CNTNAP5: variants seen among roughly 807,000 people sequenced by gnomAD.
The protein encoded by CNTNAP5 is contactin associated protein family member 5.
CNTNAP5 carries 72 observed loss-of-function variants against 150.2 expected under a neutral mutation model. The ratio of observed to expected loss-of-function variants is 0.48; its 90% confidence interval spans 0.40 to 0.58. The LOEUF (loss-of-function observed/expected upper bound fraction) is 0.58, where lower values mean the gene tolerates loss of function less well. CNTNAP5 is among the 20% of genes least tolerant of loss of function. CNTNAP5 has a pLI of 0.00. For missense variants in CNTNAP5, 1,636 were observed against 1,626.2 expected, an observed-to-expected ratio of 1.01 and a Z score of -0.10; for synonymous variants, 672 against 619.8, an observed-to-expected ratio of 1.08 and a Z score of -1.25.
At chr2:124,219,223 T>G (rs988656588) in intron 1 of CNTNAP5, among the ~76,000 whole-genome samples, 1 of 152,148 alleles carries the variant, frequency 6.6e-6, no homozygotes, top group African/African-American at 2.4e-5. Flanking sequence ...AAAAATGGCT[T>G]GCTAATTGTA....
At chr2:124,504,144 A>G in intron 7 of CNTNAP5, 148 bp from the exon 8 acceptor site, 3 of 774,346 alleles carry the variant, frequency 3.9e-6, no homozygotes, top group South Asian at 3.7e-5. Flanking sequence ...GTCTGAGCAA[A>G]GCCGACATTT....
intron 19 of CNTNAP5, among the ~76,000 whole-genome samples, 192 bp downstream of exon 19, chr2:124,798,512 T>G (rs1460696230): frequency 6.6e-6 from 1 of 152,222 alleles, no homozygotes; most frequent in Non-Finnish European, 1.5e-5. Flanking sequence ...CCAGTGTCAA[T>G]TCACTGCTGA....
intron 21 of CNTNAP5, among the ~76,000 whole-genome samples, chr2:124,884,487 T>C (rs2104741478): frequency 6.6e-6 from 1 of 152,238 alleles, no homozygotes; most frequent in East Asian, 1.9e-4. Context: ...CTCATGCTTC[T>C]GATGATCTTG....
chr2:124,128,881 G>T (rs964004604), intron 1 of CNTNAP5, among the ~76,000 whole-genome samples: 3 of 152,016 alleles, frequency 2.0e-5, no homozygotes, highest in Non-Finnish European at 4.4e-5. Context: ...TGAACACAGG[G>T]TGGGGAACAT....
intron 13 of CNTNAP5, among the ~76,000 whole-genome samples, chr2:124,713,539 C>A (rs959259788): frequency 6.6e-6 from 1 of 151,466 alleles, no homozygotes; most frequent in Admixed American, 6.6e-5. Context: ...CCAGGCTTTT[C>A]TAATTTTTGT....
At chr2:124,689,551 GTA>G (rs1458397410) in intron 13 of CNTNAP5, among the ~76,000 whole-genome samples, 26 of 152,076 alleles carry the variant, frequency 1.7e-4, no homozygotes, top group Non-Finnish European at 3.8e-4. Context: ...CCACATATAT[GTA>G]TATGTGTGCA....
At chr2:124,627,339 G>A (rs541069238) in intron 12 of CNTNAP5, among the ~76,000 whole-genome samples, 1 of 152,246 alleles carries the variant, frequency 6.6e-6, no homozygotes, top group African/African-American at 2.4e-5. Flanking sequence ...GCGGACATCA[G>A]GTCAGTGTCC....
intron 13 of CNTNAP5, among the ~76,000 whole-genome samples, chr2:124,685,183 G>T (rs558763171): frequency 6.6e-6 from 1 of 152,026 alleles, no homozygotes. Flanking sequence ...AAATCCCCTC[G>T]GATACTTCTT....
rs188866597 is a variant in CNTNAP5 at position 124,582,015 on chromosome 2, G to A, written c.1756+18692G>A. On this transcript the variant is annotated intron_variant, in intron 11 of 23. Coordinates refer to ENST00000682447, the MANE Select transcript of CNTNAP5 (RefSeq NM_001367498.1). The stretch of plus-strand genomic sequence containing the variant: ...TTTAAATTACTTATTAAAACAGATG[G>A]TGAAATCTCTCTCTACTTTAAATCT... Among the ~76,000 whole-genome samples the A allele has an allele frequency of 5.9e-5, 9 of 152,304 alleles. No homozygotes were observed. In the East Asian group the frequency reaches 1.7e-3, roughly 29 times the overall value.
At chr2:124,329,296 A>G (rs902808594) in intron 3 of CNTNAP5, among the ~76,000 whole-genome samples, 2 of 152,176 alleles carry the variant, frequency 1.3e-5, no homozygotes, top group Non-Finnish European at 2.9e-5. Flanking sequence ...TTCTTTTCTC[A>G]GGTGGTTAAT....
chr2:124,651,180 G>A (rs1018567245), intron 13 of CNTNAP5, among the ~76,000 whole-genome samples: 1 of 152,182 alleles, frequency 6.6e-6, no homozygotes, highest in African/African-American at 2.4e-5. Flanking sequence ...TTAAAAGCGT[G>A]CAGGCTGATT....
At chr2:124,088,539 G>A (rs1306193621) in intron 1 of CNTNAP5, among the ~76,000 whole-genome samples, 1 of 150,284 alleles carries the variant, frequency 6.7e-6, no homozygotes, top group Non-Finnish European at 1.5e-5. Flanking sequence ...ATTATGTTAT[G>A]AGATCACTAA....
intron 19 of CNTNAP5, among the ~76,000 whole-genome samples, chr2:124,810,044 G>A (rs1322062247): frequency 1.3e-5 from 2 of 152,176 alleles, no homozygotes; most frequent in Non-Finnish European, 2.9e-5. Flanking sequence ...AATGGTTTGC[G>A]AACTGGAATC....
intron 2 of CNTNAP5, among the ~76,000 whole-genome samples, chr2:124,231,329 G>C (rs937451140): frequency 6.6e-6 from 1 of 152,106 alleles, no homozygotes; most frequent in Non-Finnish European, 1.5e-5. Context: ...CATCACTTCA[G>C]TACTCTGGTA....
At chr2:124,625,611 A>G (rs1677705433) in intron 12 of CNTNAP5, among the ~76,000 whole-genome samples, 1 of 152,194 alleles carries the variant, frequency 6.6e-6, no homozygotes, top group East Asian at 1.9e-4. Context: ...CGAGGGGCTC[A>G]GGCCAGGGCC....
chr2:124,814,638 A>G (rs763462084), intron 19 of CNTNAP5, among the ~76,000 whole-genome samples: 25 of 152,026 alleles, frequency 1.6e-4, no homozygotes, highest in Admixed American at 8.5e-4. Flanking sequence ...TCTTCAAAAG[A>G]GTTCACTGGC....
intron 3 of CNTNAP5, among the ~76,000 whole-genome samples, chr2:124,403,283 C>CT (rs958370816): frequency 3.3e-5 from 5 of 151,996 alleles, no homozygotes; most frequent in Non-Finnish European, 5.9e-5. Context: ...ACCCGCCTTT[C>CT]TTTTTTTTCT....
intron 6 of CNTNAP5, among the ~76,000 whole-genome samples, chr2:124,468,528 C>A (rs925456195): frequency 2.0e-5 from 3 of 152,104 alleles, no homozygotes; most frequent in African/African-American, 4.8e-5. Flanking sequence ...CCCACCCACA[C>A]TGTGGGTGGA....
intron 22 of CNTNAP5, among the ~76,000 whole-genome samples, chr2:124,907,300 A>G (rs1319373742): frequency 6.6e-6 from 1 of 152,042 alleles, no homozygotes; most frequent in Non-Finnish European, 1.5e-5. Context: ...AAAACCCCTC[A>G]CAGGTAAATC....
Sources: gnomAD v4.1 joint callset for allele counts (sites outside exome capture counted in the v4.1 genomes callset) on GRCh38, gnomAD v4.1.1 for gene constraint, MANE v1.5 for transcripts, NCBI Gene and HGNC (gene_info 2026-07-23, HGNC 2026-07-21) for gene names.